The following ARMH4 variants were observed in gnomAD, a reference collection of about 807,000 sequenced individuals.
ARMH4 encodes the protein armadillo-like helical domain-containing protein 4.
Under a neutral mutation model 61.9 loss-of-function variants are expected in ARMH4, and 49 were observed. The observed-to-expected ratio is 0.79, with a 90% CI of 0.63 to 1.00. The LOEUF is 1.00. Ranked by LOEUF, ARMH4 falls within the 50% of genes least tolerant of loss-of-function variation. The probability of loss-of-function intolerance (pLI) is 0.00; values close to 1 mark genes in which losing one functional copy is unlikely to be tolerated. For missense variants in ARMH4, 934 were observed against 930.0 expected, an observed-to-expected ratio of 1.00 and a Z score of -0.06; for synonymous variants, 368 against 341.5, an observed-to-expected ratio of 1.08 and a Z score of -0.85.
intron 5 of ARMH4, among the ~76,000 whole-genome samples, chr14:58,015,551 G>A (rs1452499792): frequency 6.6e-6 from 1 of 152,048 alleles, no homozygotes; most frequent in Non-Finnish European, 1.5e-5. Flanking sequence ...CCTTCTTTCA[G>A]AAAATATTTA....
intron 6 of ARMH4, among the ~76,000 whole-genome samples, chr14:58,008,667 C>G (rs1882274507): frequency 6.6e-6 from 1 of 152,192 alleles, no homozygotes; most frequent in Non-Finnish European, 1.5e-5. Context: ...TCAGGAACAC[C>G]TGCAAGACTT....
chr14:58,138,878 C>A lies in ARMH4; in HGVS notation c.481G>T (p.Glu161Ter). 1 of 1,614,212 alleles carries A rather than the reference C, an allele frequency of 6.2e-7. No homozygotes were observed. The highest frequency in any genetic ancestry group is 8.5e-7 in the Non-Finnish European group (1 of 1,180,030). ...AAGTTAGTGCTTGTAAGGAGTTCCT[C>A]CTTTTCATCAACAGTCAGAGAAGGA... Reference protein sequence around the residue: ...ATPSLTVDEKEELLTSTNFQP... With the variant: ...ATPSLTVDEK Residue 161 changes from glutamate to a stop codon, truncating the protein, a stop_gained, in exon 2 of 8, where the codon GAG (glutamate) becomes TAG (stop). Coordinates refer to ENST00000267485, the MANE Select transcript of ARMH4 (RefSeq NM_001001872.4). LOFTEE classifies it high-confidence loss of function.
intron 5 of ARMH4, among the ~76,000 whole-genome samples, chr14:58,092,937 C>T (rs1885623519): frequency 1.3e-5 from 2 of 151,896 alleles, no homozygotes; most frequent in Admixed American, 1.3e-4. Context: ...TGCCCCAACC[C>T]AAATCTCATC....
In ARMH4 at chr14:58,084,119, G is replaced by T. The variant is rs377238185; in HGVS notation, c.2089+12605C>A. Among the ~76,000 whole-genome samples, 137 of 152,304 alleles carry T rather than the reference G, an allele frequency of 9.0e-4. 1 individual carries two copies. Among genetic ancestry groups the T allele is most frequent in the Middle Eastern group, 6.8e-3 (2 of 294 alleles). On this transcript the variant is annotated intron_variant, in intron 5 of 7. Transcript: ENST00000267485. The stretch of plus-strand genomic sequence containing the variant: ...CTTGGGATCCCAGGACAGTCCTGGG[G>T]AGGTGTGGCAGGTGCTCAAATGAAG...
At chr14:58,048,092 G>A (rs1254629861) in intron 5 of ARMH4, among the ~76,000 whole-genome samples, 4 of 152,136 alleles carry the variant, frequency 2.6e-5, no homozygotes, top group Non-Finnish European at 5.9e-5. Context: ...CCTGCAAAAA[G>A]GAATTCTCAT....
At chr14:58,132,445 T>G (rs1267298723) in intron 3 of ARMH4, among the ~76,000 whole-genome samples, 1 of 150,436 alleles carries the variant, frequency 6.6e-6, no homozygotes, top group Non-Finnish European at 1.5e-5. Context: ...TTCAGGTCCA[T>G]GCTTTTTTCA....
intron 4 of ARMH4, among the ~76,000 whole-genome samples, chr14:58,104,037 G>A (rs1260740617): frequency 6.6e-6 from 1 of 152,138 alleles, no homozygotes; most frequent in Admixed American, 6.5e-5. Flanking sequence ...AGGTAAGCAA[G>A]CCTAGCCCAA....
chr14:58,099,343 G>T (rs1244602458), intron 4 of ARMH4, among the ~76,000 whole-genome samples: 1 of 151,918 alleles, frequency 6.6e-6, no homozygotes, highest in Non-Finnish European at 1.5e-5. Flanking sequence ...GACCAGCAGA[G>T]GAAGATCCAC....
chr14:58,107,952 G>A (rs1330616497), intron 4 of ARMH4, among the ~76,000 whole-genome samples: 1 of 152,112 alleles, frequency 6.6e-6, no homozygotes, highest in East Asian at 1.9e-4. Context: ...GTAGGCATAC[G>A]TTTTCCTGGG....
intron 4 of ARMH4, among the ~76,000 whole-genome samples, chr14:58,111,484 C>T (rs1335506869): frequency 6.6e-6 from 1 of 152,110 alleles, no homozygotes; most frequent in Non-Finnish European, 1.5e-5. Flanking sequence ...AACAAAATTC[C>T]AGAAACTAGG....
intron 5 of ARMH4, among the ~76,000 whole-genome samples, chr14:58,047,847 G>C (rs1318716630): frequency 6.6e-6 from 1 of 152,118 alleles, no homozygotes; most frequent in South Asian, 2.1e-4. Flanking sequence ...CAAGTCCCCA[G>C]GTCATAAGTC....
chr14:58,051,848 CAACT>C, intron 5 of ARMH4, among the ~76,000 whole-genome samples: 1 of 152,242 alleles, frequency 6.6e-6, no homozygotes, highest in African/African-American at 2.4e-5. Flanking sequence ...GCTGCTTCCC[CAACT>C]GAGTTTCATA....
chr14:58,139,467 A>G, intron 1 of ARMH4, 53 bp from the exon 2 acceptor site: 3 of 1,005,626 alleles, frequency 3.0e-6, no homozygotes, highest in Admixed American at 2.4e-5. Flanking sequence ...GTTGTAAATA[A>G]GTCTCTTTAA....
intron 2 of ARMH4, 124 bp from the exon 3 acceptor site, chr14:58,133,465 AAGAG>A (rs1887196932): frequency 1.2e-6 from 1 of 868,764 alleles, no homozygotes; most frequent in African/African-American, 1.7e-5. Context: ...TGGGGAAGCA[AAGAG>A]AGAACTCAGA....
intron 4 of ARMH4, among the ~76,000 whole-genome samples, chr14:58,110,602 G>GT (rs1199126222): frequency 2.0e-5 from 3 of 152,088 alleles, no homozygotes; most frequent in South Asian, 4.2e-4. Flanking sequence ...TTTAGAAGTA[G>GT]TTTTTTTCAT....
chr14:58,045,117 T>C (rs1883885233), intron 5 of ARMH4, among the ~76,000 whole-genome samples: 1 of 152,236 alleles, frequency 6.6e-6, no homozygotes, highest in Admixed American at 6.5e-5. Flanking sequence ...ACTGGGTATA[T>C]ACCCAAAGGA....
In ARMH4 at chr14:58,012,171, T is replaced by C. The variant is rs746054614; in HGVS notation, c.2090-21A>G. On this transcript the variant is annotated intron_variant, in intron 5 of 7. Transcript: ENST00000267485. ...TCTCACTAGGAAAAAAATAAGATAATAAAATGAAATAACCATCTTTTACTT... is the reference window on the plus strand; with the variant it reads ...TCTCACTAGGAAAAAAATAAGATAACAAAATGAAATAACCATCTTTTACTT... The C allele has an allele frequency of 7.6e-6, 10 of 1,315,718 alleles. No homozygotes were observed. In the Admixed American group the frequency reaches 2.1e-4, roughly 28 times the overall value. The allele number at this position is 1,315,718 out of a possible 1,614,324, so 81.5% of individuals were successfully genotyped here. A position where few individuals can be genotyped will look rare whatever the true frequency, so the allele number is the denominator to read the frequency against.
chr14:58,142,765 C>T (rs1217241963), intron 1 of ARMH4, among the ~76,000 whole-genome samples: 2 of 152,056 alleles, frequency 1.3e-5, no homozygotes. Context: ...AGCTCCCCTC[C>T]CCTTCCTTTC....
chr14:58,099,875 C>T (rs1885897880), intron 4 of ARMH4, among the ~76,000 whole-genome samples: 2 of 152,126 alleles, frequency 1.3e-5, no homozygotes, highest in South Asian at 2.1e-4. Context: ...TTTTTGCACA[C>T]GTTGCTGAAT....
Sources: allele counts gnomAD v4.1 joint callset (sites outside exome capture counted in the v4.1 genomes callset), GRCh38; gene constraint gnomAD v4.1.1; transcripts MANE v1.5; gene names NCBI Gene and HGNC (gene_info 2026-07-23, HGNC 2026-07-21).